Variants in HS3ST4 observed in about 807,000 individuals in gnomAD.
The protein encoded by HS3ST4 is heparan sulfate glucosamine 3-O-sulfotransferase 4.
Under a neutral mutation model 29.2 loss-of-function variants are expected in HS3ST4, and 17 were observed. That is an observed-to-expected ratio of 0.58 (90% CI 0.40 to 0.87). HS3ST4 has a LOEUF of 0.87. Ranked by LOEUF, HS3ST4 falls within the 40% of genes least tolerant of loss-of-function variation. HS3ST4 has a pLI of 0.00. For synonymous variants in HS3ST4, 314 were observed against 285.7 expected, an observed-to-expected ratio of 1.10 and a Z score of -1.00; for missense variants, 627 against 634.5, an observed-to-expected ratio of 0.99 and a Z score of 0.13.
chr16:26,057,013 T>G (rs1041736642), intron 1 of HS3ST4, among the ~76,000 whole-genome samples: 6 of 152,084 alleles, frequency 3.9e-5, no homozygotes, highest in African/African-American at 1.4e-4. Flanking sequence ...AAATTCAAAA[T>G]CCCAAATGCC....
At chr16:25,936,001 G>A (rs773621940) in intron 1 of HS3ST4, among the ~76,000 whole-genome samples, 34 of 152,038 alleles carry the variant, frequency 2.2e-4, no homozygotes, top group Non-Finnish European at 4.0e-4. Context: ...TGAACTTCTG[G>A]GTTTAAGCCA....
chr16:25,750,267 G>A (rs1165063563), intron 1 of HS3ST4, among the ~76,000 whole-genome samples: 1 of 152,156 alleles, frequency 6.6e-6, no homozygotes, highest in Non-Finnish European at 1.5e-5. Flanking sequence ...ACTTCTTAGA[G>A]CAGCTCAGAG....
At chr16:26,098,232 C>G (rs769483893) in intron 1 of HS3ST4, among the ~76,000 whole-genome samples, 18 of 152,212 alleles carry the variant, frequency 1.2e-4, no homozygotes, top group African/African-American at 4.3e-4. Context: ...TCCCATTACT[C>G]GGTATATACC....
chr16:26,083,278 G>A (rs4787348), intron 1 of HS3ST4, among the ~76,000 whole-genome samples: 17,557 of 152,222 alleles, frequency 0.12, 1,426 homozygotes, highest in African/African-American at 0.21. Flanking sequence ...ACAGTGCATT[G>A]CAATCAAGTG....
chr16:25,708,946 T>C (rs753750230), intron 1 of HS3ST4, among the ~76,000 whole-genome samples: 1 of 152,200 alleles, frequency 6.6e-6, no homozygotes, highest in Non-Finnish European at 1.5e-5. Context: ...GGTTCAAAAC[T>C]TCATTTCAGC....
At chr16:25,868,088 G>A (rs1278090612) in intron 1 of HS3ST4, among the ~76,000 whole-genome samples, 4 of 152,066 alleles carry the variant, frequency 2.6e-5, no homozygotes, top group South Asian at 4.1e-4. Context: ...CACGTCAGAC[G>A]CACATGTGTT....
intron 1 of HS3ST4, among the ~76,000 whole-genome samples, chr16:25,967,058 C>A (rs1265180954): frequency 6.6e-6 from 1 of 152,226 alleles, no homozygotes; most frequent in African/African-American, 2.4e-5. Flanking sequence ...TGGGATCCAG[C>A]CCTCTGAGGT....
chr16:25,936,008 G>T (rs1327871169), intron 1 of HS3ST4, among the ~76,000 whole-genome samples: 1 of 152,102 alleles, frequency 6.6e-6, no homozygotes, highest in Non-Finnish European at 1.5e-5. Context: ...CTGGGTTTAA[G>T]CCATCCTCTT....
chr16:26,113,781 C>T (rs1039150487), intron 1 of HS3ST4, among the ~76,000 whole-genome samples: 1 of 152,090 alleles, frequency 6.6e-6, no homozygotes, highest in Non-Finnish European at 1.5e-5. Context: ...CACACCCCAT[C>T]CATATCTCTG....
At chr16:25,960,692 C>T (rs1322377966) in intron 1 of HS3ST4, among the ~76,000 whole-genome samples, 2 of 152,160 alleles carry the variant, frequency 1.3e-5, no homozygotes, top group African/African-American at 4.8e-5. Context: ...AGAGCCTGGG[C>T]TTCCAGATCT....
intron 1 of HS3ST4, among the ~76,000 whole-genome samples, chr16:25,932,071 T>C (rs1308054331): frequency 1.3e-5 from 2 of 152,188 alleles, no homozygotes; most frequent in African/African-American, 4.8e-5. Flanking sequence ...TCCCAGCACT[T>C]TGAGAGGCCA....
intron 1 of HS3ST4, among the ~76,000 whole-genome samples, chr16:25,812,399 A>G (rs1389696731): frequency 6.6e-6 from 1 of 151,956 alleles, no homozygotes; most frequent in Non-Finnish European, 1.5e-5. Context: ...CTGTGCAGCA[A>G]CTCTATCTTC....
chr16:26,135,831 C>A lies in HS3ST4; in HGVS notation c.954C>A (p.Asn318Lys). The A allele has an allele frequency of 6.2e-7, 1 of 1,614,000 alleles. No homozygotes were observed. The highest frequency in any genetic ancestry group is 8.5e-7 in the Non-Finnish European group (1 of 1,179,888). The change falls in exon 2 of 2, where the codon AAC becomes AAA. Residue 318 changes from asparagine (N) to lysine (K), a missense_variant. Asn to Lys is a moderately conservative substitution (Grantham distance 94). Transcript: ENST00000331351. ...IPTFEVLAFK[N>K]RTLGLIDASW... ...CCTTTGAGGTGCTGGCCTTCAAAAACCGGACCCTCGGGCTGATCGATGCTT... is the reference window on the plus strand; with the variant it reads ...CCTTTGAGGTGCTGGCCTTCAAAAAACGGACCCTCGGGCTGATCGATGCTT...
At chr16:25,767,221 C>T (rs973717592) in intron 1 of HS3ST4, among the ~76,000 whole-genome samples, 5 of 152,174 alleles carry the variant, frequency 3.3e-5, no homozygotes, top group Admixed American at 3.3e-4. Flanking sequence ...TAAGGCAATG[C>T]CATAGTCATC....
At chr16:25,965,920 C>T (rs1048144294) in intron 1 of HS3ST4, among the ~76,000 whole-genome samples, 29 of 152,166 alleles carry the variant, frequency 1.9e-4, no homozygotes, top group Non-Finnish European at 7.4e-5. Flanking sequence ...CTCAAGTGAT[C>T]CTCCCACCTG....
intron 1 of HS3ST4, among the ~76,000 whole-genome samples, chr16:25,894,471 T>C (rs1213466799): frequency 6.6e-6 from 1 of 151,314 alleles, no homozygotes; most frequent in Non-Finnish European, 1.5e-5. Flanking sequence ...TACTGTGGCG[T>C]CCTGTGGTGT....
chr16:25,806,997 A>C (rs1207546588), intron 1 of HS3ST4, among the ~76,000 whole-genome samples: 1 of 151,910 alleles, frequency 6.6e-6, no homozygotes, highest in Non-Finnish European at 1.5e-5. Flanking sequence ...TTTGAGAGGG[A>C]GTTTCACTCT....
intron 1 of HS3ST4, among the ~76,000 whole-genome samples, chr16:25,795,837 C>G (rs988115959): frequency 5.9e-5 from 9 of 152,174 alleles, no homozygotes; most frequent in Admixed American, 2.0e-4. Context: ...GTGCATCACC[C>G]TCTACGTGTC....
At position 25,873,533 on chromosome 16, in the gene HS3ST4, T is replaced by C. The variant is rs1169817346; in HGVS notation, c.734+180382T>C. Among the ~76,000 whole-genome samples the C allele has an allele frequency of 2.0e-5, 3 of 149,618 alleles. No individual in the cohort carries two copies. In the East Asian group the frequency reaches 6.0e-4, roughly 30 times the overall value. ...ATCTATCTATCTATCTGTCTATCTA[T>C]CTATCTTTCTCTATCTATCTGTCTA... On this transcript the variant is annotated intron_variant, in intron 1 of 1. Transcript: ENST00000331351.
Sources: gnomAD v4.1 joint callset for allele counts (sites outside exome capture counted in the v4.1 genomes callset) on GRCh38, gnomAD v4.1.1 for gene constraint, MANE v1.5 for transcripts, NCBI Gene and HGNC (gene_info 2026-07-23, HGNC 2026-07-21) for gene names.